SORL1: variants seen among roughly 807,000 people sequenced by gnomAD.
SORL1 encodes sortilin related receptor 1.
Under a neutral mutation model 273.7 loss-of-function variants are expected in SORL1, and 127 were observed. That is an observed-to-expected ratio of 0.46 (90% CI 0.40 to 0.54). The LOEUF is 0.54. SORL1 is among the 20% of genes least tolerant of loss of function. SORL1 has a pLI of 0.00. For missense variants in SORL1, 2,494 were observed against 2,846.1 expected (o/e 0.88, Z 2.81); for synonymous variants, 1,031 against 1,067.4 (o/e 0.97, Z 0.66).
At chr11:121,489,918 A>G in intron 4 of SORL1, 125 bp from the exon 5 acceptor site, 1 of 701,202 alleles carries the variant, frequency 1.4e-6, no homozygotes, top group Non-Finnish European at 2.6e-6. Flanking sequence ...TGGCTTTGGC[A>G]GTCTCAGTGC....
At chr11:121,512,972 A>C (rs1565320359) in intron 6 of SORL1, 31 bp from the exon 7 acceptor site, 3 of 1,476,590 alleles carry the variant, frequency 2.0e-6, no homozygotes, top group Admixed American at 3.3e-5. Flanking sequence ...ATGTGGCACC[A>C]TTAATTTTTT....
At chr11:121,587,184 T>G (rs902696938) in intron 27 of SORL1, among the ~76,000 whole-genome samples, 2 of 152,190 alleles carry the variant, frequency 1.3e-5, no homozygotes, top group African/African-American at 4.8e-5. Flanking sequence ...TAGTTGGGGT[T>G]CTCCAGAGGA....
At chr11:121,599,357 C>A (rs1223435038) in intron 32 of SORL1, among the ~76,000 whole-genome samples, 1 of 152,148 alleles carries the variant, frequency 6.6e-6, no homozygotes, top group African/African-American at 2.4e-5. Context: ...CCAGCCTGAC[C>A]AATATGGAGA....
chr11:121,627,528 T>G lies in SORL1; in HGVS notation c.6365-27T>G. 6.2e-7 allele frequency: 1 copy of G among 1,603,204 alleles called. No individual in the cohort carries two copies. The highest frequency in any genetic ancestry group is 8.5e-7 in the Non-Finnish European group (1 of 1,170,194). ...TCTGTTCTCCTGCCCTCAGGTGGGC[T>G]TATTGGTGGGAACTTTGCCTTGGCA... On this transcript the variant is annotated intron_variant, in intron 46 of 47. Coordinates refer to ENST00000260197, the MANE Select transcript of SORL1 (RefSeq NM_003105.6). The surrounding 1 kb of genome is among the most constrained non-coding windows in gnomAD (Gnocchi z 4.9).
intron 5 of SORL1, among the ~76,000 whole-genome samples, chr11:121,495,244 T>G (rs1013450973): frequency 6.6e-6 from 1 of 152,158 alleles, no homozygotes; most frequent in African/African-American, 2.4e-5. Context: ...CATACCTGGC[T>G]AATTTTTTTA....
intron 6 of SORL1, among the ~76,000 whole-genome samples, chr11:121,500,039 T>A (rs1043790716): frequency 6.6e-6 from 1 of 152,250 alleles, no homozygotes; most frequent in Non-Finnish European, 1.5e-5. Context: ...TTGTATTTTT[T>A]GCCCTTAAGT....
At chr11:121,490,159 C>A in intron 5 of SORL1, 49 bp downstream of exon 5, 2 of 1,297,778 alleles carry the variant, frequency 1.5e-6, no homozygotes, top group South Asian at 1.2e-5. Context: ...CTCCTTTCTC[C>A]AGTTCTAGCT....
intron 38 of SORL1, chr11:121,608,856 G>C (rs1168399508): frequency 5.3e-5 from 8 of 152,380 alleles, no homozygotes; most frequent in Non-Finnish European, 7.3e-5. Context: ...TGTGCTCCAC[G>C]CTTCTCTCTG....
At chr11:121,558,958 TC>T (rs1392223450) in intron 20 of SORL1, 121 bp downstream of exon 20, 2 of 1,323,534 alleles carry the variant, frequency 1.5e-6, no homozygotes, top group Non-Finnish European at 2.1e-6. Flanking sequence ...TTGCCTTTTT[TC>T]CAAATTTGAG....
intron 37 of SORL1, 101 bp downstream of exon 37, chr11:121,607,391 A>G: frequency 1.6e-6 from 1 of 620,630 alleles, no homozygotes; most frequent in Non-Finnish European, 2.9e-6. Flanking sequence ...TGAGATGCAT[A>G]TTAGTAATCT....
At chr11:121,494,573 C>T (rs1485224234) in intron 5 of SORL1, among the ~76,000 whole-genome samples, 1 of 152,100 alleles carries the variant, frequency 6.6e-6, no homozygotes, top group South Asian at 2.1e-4. Context: ...TGGAATTTCT[C>T]AATGAGGACA....
In SORL1 at chr11:121,627,625, C is replaced by A. The variant is rs761067388; in HGVS notation, c.6435C>A (p.Phe2145Leu). Reference protein sequence around the residue: ...DVAAVVVPILFLILLSLGVGF... With the variant: ...DVAAVVVPILLLILLSLGVGF... Reference sequence around the variant, plus strand: ...CTGCTGTGGTGGTGCCCATCTTATTCCTGATACTGCTGAGCCTGGGGGTGG... The same window carrying A: ...CTGCTGTGGTGGTGCCCATCTTATTACTGATACTGCTGAGCCTGGGGGTGG... The change falls in exon 47 of 48, where the codon TTC (phenylalanine) becomes TTA (leucine). Residue 2145 changes from phenylalanine to leucine, a missense_variant. Physicochemically the swap from Phe to Leu is conservative, Grantham distance 22. This residue lies in a region of SORL1 where 1,609 missense variants were observed against 1,816.4 expected (regional missense o/e 0.89). Transcript: ENST00000260197. The surrounding 1 kb of genome is among the most constrained non-coding windows in gnomAD (Gnocchi z 4.9). 8.7e-6 allele frequency: 14 copies of A among 1,614,070 alleles called. No homozygotes were observed. The African/African-American group carries it at 1.6e-4, about 18-fold the overall frequency.
At chr11:121,463,446 A>G (rs960785962) in intron 1 of SORL1, among the ~76,000 whole-genome samples, 4 of 152,220 alleles carry the variant, frequency 2.6e-5, no homozygotes. Flanking sequence ...CTCGCTGCCA[A>G]GGATCAATCA....
chr11:121,625,736 C>T (rs1201353052), intron 46 of SORL1, among the ~76,000 whole-genome samples: 1 of 152,158 alleles, frequency 6.6e-6, no homozygotes, highest in East Asian at 1.9e-4. Context: ...TCAGCATAAG[C>T]TTAGGACTGG....
chr11:121,553,838 A>G lies in SORL1; in HGVS notation c.2267-99A>G, dbSNP rs1862539152. ...CTTGGTCCACACCACATGCCAATGA[A>G]TTTGAGGTTTGTGTATGAGAAACAA... On this transcript the variant is annotated intron_variant, in intron 16 of 47. Coordinates refer to ENST00000260197, the MANE Select transcript of SORL1 (RefSeq NM_003105.6). 5 of 1,173,460 alleles carry G rather than the reference A, an allele frequency of 4.3e-6. No individual in the cohort carries two copies. In the African/African-American group the frequency reaches 7.6e-5, roughly 18 times the overall value. The allele number at this position is 1,173,460 out of a possible 1,614,324, so 72.7% of individuals were successfully genotyped here. A position where few individuals can be genotyped will look rare whatever the true frequency, so the allele number is the denominator to read the frequency against.
At chr11:121,623,101 T>C (rs191343428) in intron 45 of SORL1, among the ~76,000 whole-genome samples, 102 of 152,316 alleles carry the variant, frequency 6.7e-4, no homozygotes, top group African/African-American at 2.4e-3. Context: ...TATCCTTAAA[T>C]AGAAGGAAAG....
intron 38 of SORL1, 84 bp downstream of exon 38, chr11:121,608,260 G>T: frequency 8.8e-7 from 1 of 1,134,244 alleles, no homozygotes; most frequent in Non-Finnish European, 1.3e-6. Flanking sequence ...GGAAAATGGA[G>T]AAACGTAGTT....
At chr11:121,454,744 A>G (rs1039165465) in intron 1 of SORL1, among the ~76,000 whole-genome samples, 7 of 152,264 alleles carry the variant, frequency 4.6e-5, no homozygotes, top group African/African-American at 1.2e-4. Context: ...CACAAGTTCT[A>G]TCTGGTGCAG....
chr11:121,465,490 A>T (rs1861068612), intron 1 of SORL1, among the ~76,000 whole-genome samples: 1 of 151,996 alleles, frequency 6.6e-6, no homozygotes, highest in South Asian at 2.1e-4. Flanking sequence ...ATTGTTTCCC[A>T]AAGAAGCTGC....
Sources: allele counts gnomAD v4.1 joint callset (sites outside exome capture counted in the v4.1 genomes callset), GRCh38; gene constraint gnomAD v4.1.1; regional missense constraint gnomAD v4.1.1; non-coding constraint Gnocchi (gnomAD v3.1); transcripts MANE v1.5; gene names NCBI Gene and HGNC (gene_info 2026-07-23, HGNC 2026-07-21).